Variants in PGC observed in about 807,000 individuals in gnomAD.
PGC encodes gastricsin.
Under a neutral mutation model 45.9 loss-of-function variants are expected in PGC, and 31 were observed. The ratio of observed to expected loss-of-function variants is 0.67; its 90% CI spans 0.51 to 0.91. The LOEUF is 0.91. Among genes scored for constraint, PGC ranks in the 40% least tolerant of loss-of-function variants. The probability of loss-of-function intolerance (pLI) is 0.00; values close to 1 mark genes in which losing one functional copy is unlikely to be tolerated. For missense variants in PGC, 477 were observed against 493.2 expected (o/e 0.97, Z 0.31); for synonymous variants, 192 against 201.8 (o/e 0.95, Z 0.41).
At chr6:41,747,134 C>A in intron 1 of PGC, 142 bp downstream of exon 1, 1 of 703,774 alleles carries the variant, frequency 1.4e-6, no homozygotes. Flanking sequence ...TCCTGTCTAA[C>A]ATCAGCAAAG....
intron 5 of PGC, chr6:41,741,264 G>A (rs1268321607): frequency 2.1e-6 from 3 of 1,435,280 alleles, no homozygotes; most frequent in African/African-American, 2.9e-5. Flanking sequence ...CAGAGGTGGA[G>A]AGGAAGTTAG....
intron 4 of PGC, among the ~76,000 whole-genome samples, chr6:41,742,703 C>T (rs540453846): frequency 1.3e-5 from 2 of 152,364 alleles, no homozygotes; most frequent in East Asian, 3.9e-4. Flanking sequence ...CAGCTCACAG[C>T]AACCTCTGCT....
chr6:41,741,768 G>T, intron 5 of PGC: 1 of 1,517,246 alleles, frequency 6.6e-7, no homozygotes, highest in Non-Finnish European at 8.9e-7. Context: ...GCCTGCACAT[G>T]CTTGTGTTGA....
intron 3 of PGC, 106 bp from the exon 4 acceptor site, chr6:41,743,495 C>A: frequency 1.3e-6 from 1 of 753,396 alleles, no homozygotes. Flanking sequence ...GCTGCGCTCA[C>A]ATCCTGGGAC....
chr6:41,738,253 T>TATATATACAC (rs1771753158), intron 7 of PGC, among the ~76,000 whole-genome samples: 8 of 13,046 alleles, frequency 6.1e-4, no homozygotes, highest in African/African-American at 1.4e-3. Context: ...TATATATGCA[T>TATATATACAC]ATATATATAT....
intron 8 of PGC, among the ~76,000 whole-genome samples, chr6:41,737,234 T>C (rs1032977710): frequency 3.9e-5 from 6 of 152,142 alleles, no homozygotes; most frequent in East Asian, 1.9e-4. Flanking sequence ...CTCCCCATGA[T>C]GGGAAACTTC....
intron 1 of PGC, among the ~76,000 whole-genome samples, chr6:41,745,876 T>C (rs1485096971): frequency 6.6e-6 from 1 of 151,374 alleles, no homozygotes; most frequent in African/African-American, 2.4e-5. Flanking sequence ...TAACAGAAGA[T>C]TTCAGGCCAG....
At position 41,744,977 on chromosome 6, in the gene PGC, CTCTG is replaced by C. The variant is rs150011417; in HGVS notation, c.60-173_60-170del. Among the ~76,000 whole-genome samples the C allele has an allele frequency of 0.27, 32,060 of 120,844 alleles. 4,093 individuals are homozygous for C. The highest frequency in any genetic ancestry group is 0.45 in the Middle Eastern group (115 of 254). The allele number at this position is 120,844 out of a possible 152,430, so 79.3% of individuals were successfully genotyped here. ...TCTCTCTCAGCCTTTTGCTCTCTGT[CTCTG>C]TCTGTCTGTCTCTCTGTGTGTGTGT... On this transcript the variant is annotated intron_variant, in intron 1 of 8. Transcript: ENST00000373025. This position sits in a 1 kb window ranked among gnomAD's most constrained non-coding sequence, Gnocchi z 4.4.
At chr6:41,743,125 A>T in intron 4 of PGC, 146 bp downstream of exon 4, 1 of 691,482 alleles carries the variant, frequency 1.4e-6, no homozygotes, top group South Asian at 1.6e-5. Flanking sequence ...GTGTTGGGGG[A>T]GTGACTGAAT....
At chr6:41,742,536 A>G (rs1285490142) in intron 4 of PGC, 47 bp from the exon 5 acceptor site, 7 of 1,441,740 alleles carry the variant, frequency 4.9e-6, no homozygotes, top group Non-Finnish European at 5.9e-6. Context: ...GACTCCACTC[A>G]CCTCCTCCAG....
chr6:41,744,558 G>A lies in PGC; in HGVS notation c.211-44C>T, dbSNP rs1396878569. On this transcript the variant is annotated intron_variant, in intron 2 of 8. Transcript: ENST00000373025. This position sits in a 1 kb window ranked among gnomAD's most constrained non-coding sequence, Gnocchi z 4.4. Reference sequence around the variant, plus strand: ...GCTGTTAGTTCCAGAGGGATCCAGGGGCCCCAGGCTCCTCCATGGGCAGAG... The same window carrying A: ...GCTGTTAGTTCCAGAGGGATCCAGGAGCCCCAGGCTCCTCCATGGGCAGAG... 1 of 1,584,608 alleles carries A rather than the reference G, an allele frequency of 6.3e-7. No individual in the cohort carries two copies. Among genetic ancestry groups the A allele is most frequent in the Non-Finnish European group, 8.6e-7 (1 of 1,157,330 alleles).
chr6:41,740,512 T>C lies in PGC; in HGVS notation c.746A>G (p.Tyr249Cys), dbSNP rs1197628930. The C allele has an allele frequency of 3.7e-6, 6 of 1,610,336 alleles. No homozygotes were observed. The highest frequency in any genetic ancestry group is 1.1e-5 in the South Asian group (1 of 90,554). The change falls in exon 6 of 9, where the codon TAC becomes TGC. Residue 249 changes from tyrosine to cysteine, a missense_variant. Transcript: ENST00000373025. The part of the protein sequence containing the change: ...IYWAPVTQEL[Y>C]WQIGIEEFLI... ...TCACTCTTCAATGCCAATCTGCCAG[T>C]AGAGTTCCTGGGTGACAGGCGCCCA...
At chr6:41,740,690 A>C (rs144119706) in intron 5 of PGC, 80 bp from the exon 6 acceptor site, 15,823 of 1,512,802 alleles carry the variant, frequency 0.01, 101 homozygotes, top group South Asian at 0.012. Flanking sequence ...CTCCACAGGG[A>C]AACAGAGCTC....
chr6:41,746,480 C>T (rs904824826), intron 1 of PGC, among the ~76,000 whole-genome samples: 3 of 152,208 alleles, frequency 2.0e-5, no homozygotes, highest in Non-Finnish European at 4.4e-5. Flanking sequence ...GTCACACCCT[C>T]GGCACTCTCC....
chr6:41,744,325 G>A lies in PGC; in HGVS notation c.328+72C>T, dbSNP rs1197669254. On this transcript the variant is annotated intron_variant, in intron 3 of 8. Coordinates refer to ENST00000373025, the MANE Select transcript of PGC (RefSeq NM_002630.4). This position sits in a 1 kb window ranked among gnomAD's most constrained non-coding sequence, Gnocchi z 4.4. ...CCTCAGTCCTGAGCTCCCTCTGGAA[G>A]TTTGGCCCTCCCCAGAGGGTATCAG... is the stretch of plus-strand genomic sequence containing the variant. 8.5e-6 allele frequency: 9 copies of A among 1,061,756 alleles called. No individual in the cohort carries two copies. In the Admixed American group the frequency reaches 1.9e-4, roughly 22 times the overall value. 65.8% of individuals were successfully genotyped at this position (1,061,756 alleles called of 1,614,324 possible).
intron 1 of PGC, among the ~76,000 whole-genome samples, chr6:41,746,089 G>A (rs1771927498): frequency 6.6e-6 from 1 of 151,962 alleles, no homozygotes; most frequent in African/African-American, 2.4e-5. Flanking sequence ...TTGAACCTGG[G>A]AGGCAGAGGT....
intron 4 of PGC, among the ~76,000 whole-genome samples, chr6:41,742,977 T>C (rs1414733512): frequency 6.6e-6 from 1 of 152,182 alleles, no homozygotes; most frequent in Non-Finnish European, 1.5e-5. Context: ...GTAGCCTTCC[T>C]TGACTGCCAC....
At position 41,744,816 on chromosome 6, in the gene PGC, A is replaced by G; in HGVS notation, c.60-8T>C. On this transcript the variant is annotated splice_polypyrimidine_tract_variant and splice_region_variant and intron_variant, in intron 1 of 8. Transcript: ENST00000373025. This position sits in a 1 kb window ranked among gnomAD's most constrained non-coding sequence, Gnocchi z 4.4. The stretch of plus-strand genomic sequence containing the variant: ...AATTTCTTCAGGGGCACTCTACAGA[A>G]AGGTTGCATATGAGGCAAGGCCCTC... The G allele has an allele frequency of 6.2e-7, 1 of 1,612,868 alleles. No homozygotes were observed. The highest frequency in any genetic ancestry group is 8.5e-7 in the Non-Finnish European group (1 of 1,179,358).
rs775728347 is a variant in PGC at position 41,747,351 on chromosome 6, T to C, written c.-17A>G. ...CCACTTCATGATGCTGGTCCCCAACTGGCCACAGAGGAAGAGCAGCTCTGA... is the reference window on the plus strand; with the variant it reads ...CCACTTCATGATGCTGGTCCCCAACCGGCCACAGAGGAAGAGCAGCTCTGA... On this transcript the variant is annotated 5_prime_UTR_variant, in exon 1 of 9. Coordinates refer to ENST00000373025, the MANE Select transcript of PGC (RefSeq NM_002630.4). 1.9e-6 allele frequency: 3 copies of C among 1,612,264 alleles called. No individual in the cohort carries two copies. The South Asian group carries it at 3.3e-5, about 18-fold the overall frequency.
Sources: gnomAD v4.1 joint callset for allele counts (sites outside exome capture counted in the v4.1 genomes callset) on GRCh38, gnomAD v4.1.1 for gene constraint, Gnocchi (gnomAD v3.1) non-coding constraint, MANE v1.5 for transcripts, NCBI Gene and HGNC (gene_info 2026-07-23, HGNC 2026-07-21) for gene names.